Variants in TSHZ2 observed in about 807,000 individuals in gnomAD.
The protein encoded by TSHZ2 is teashirt zinc finger homeobox 2, also known as teashirt homolog 2.
Under a neutral mutation model 74.4 loss-of-function variants are expected in TSHZ2, and 21 were observed. The observed-to-expected ratio is 0.28, with a 90% confidence interval of 0.20 to 0.41. The LOEUF is 0.41. Among genes scored for constraint, TSHZ2 ranks in the 10% least tolerant of loss-of-function variants. The pLI, the probability that TSHZ2 is intolerant of heterozygous loss-of-function variation, is 1.00. For missense variants in TSHZ2, 1,244 were observed against 1,293.5 expected, an observed-to-expected ratio of 0.96 and a Z score of 0.59; for synonymous variants, 540 against 515.3, an observed-to-expected ratio of 1.05 and a Z score of -0.65.
Position 53,340,173 on chromosome 20 carries a change from C to CTTTTTTTTTTTTTTTTT in TSHZ2, c.*8+83605_*8+83606insTTTTTTTTTTTTTTTTT, listed in dbSNP as rs1285149762. On this transcript the variant is annotated intron_variant, in intron 2 of 2. Transcript: ENST00000371497. The stretch of plus-strand genomic sequence containing the variant: ...GCTAGGATAAAACAAGGTGACTTTT[C>CTTTTTTTTTTTTTTTTT]TTTCTTTTTTCTTTTTTTTTTTTTT... Among the ~76,000 whole-genome samples, 69 of 62,094 alleles carry CTTTTTTTTTTTTTTTTT rather than the reference C, an allele frequency of 1.1e-3. 4 individuals are homozygous for CTTTTTTTTTTTTTTTTT. Among genetic ancestry groups the CTTTTTTTTTTTTTTTTT allele is most frequent in the African/African-American group, 5.2e-3 (65 of 12,588 alleles). The allele number at this position is 62,094 out of a possible 152,430, so 40.7% of individuals were successfully genotyped here. A position where few individuals can be genotyped will look rare whatever the true frequency, so the allele number is the denominator to read the frequency against.
At chr20:53,067,325 T>A (rs1003589618) in intron 1 of TSHZ2, among the ~76,000 whole-genome samples, 1 of 152,216 alleles carries the variant, frequency 6.6e-6, no homozygotes, top group Non-Finnish European at 1.5e-5. Context: ...TTTTTTGTTA[T>A]GTAAAAAGCA....
chr20:53,044,440 G>A (rs1374791149), intron 1 of TSHZ2, among the ~76,000 whole-genome samples: 1 of 152,188 alleles, frequency 6.6e-6, no homozygotes, highest in Non-Finnish European at 1.5e-5. Context: ...AGTTTCTAAT[G>A]AGGAGGAAAA....
intron 2 of TSHZ2, among the ~76,000 whole-genome samples, chr20:53,306,281 C>A (rs1232759385): frequency 6.6e-6 from 1 of 152,208 alleles, no homozygotes; most frequent in African/African-American, 2.4e-5. Context: ...CCACCCCTCC[C>A]TCTTGGCAGG....
At chr20:53,290,540 G>T (rs1051956508) in intron 2 of TSHZ2, among the ~76,000 whole-genome samples, 1 of 152,052 alleles carries the variant, frequency 6.6e-6, no homozygotes, top group Non-Finnish European at 1.5e-5. Flanking sequence ...GGGAATAAAA[G>T]TATCATTCTA....
chr20:53,275,361 A>G (rs1348931885), intron 2 of TSHZ2, among the ~76,000 whole-genome samples: 1 of 152,078 alleles, frequency 6.6e-6, no homozygotes, highest in East Asian at 1.9e-4. Flanking sequence ...GTTGAATATT[A>G]TGAGCCATTT....
chr20:53,016,111 T>C (rs1467436298), intron 1 of TSHZ2, among the ~76,000 whole-genome samples: 3 of 152,164 alleles, frequency 2.0e-5, no homozygotes, highest in Non-Finnish European at 4.4e-5. Flanking sequence ...CCATGCAGGA[T>C]GACTGTGAAA....
intron 2 of TSHZ2, among the ~76,000 whole-genome samples, chr20:53,472,961 C>T (rs924192164): frequency 2.6e-5 from 4 of 152,062 alleles, no homozygotes; most frequent in African/African-American, 4.8e-5. Flanking sequence ...GCTTAAAAAA[C>T]GGCGCACCAC....
At chr20:53,136,996 T>C (rs1314033435) in intron 1 of TSHZ2, among the ~76,000 whole-genome samples, 1 of 152,168 alleles carries the variant, frequency 6.6e-6, no homozygotes, top group African/African-American at 2.4e-5. Flanking sequence ...TGGACTGATA[T>C]CGTCTAGATG....
chr20:53,485,995 A>C (rs924733066), intron 2 of TSHZ2, among the ~76,000 whole-genome samples: 9 of 152,224 alleles, frequency 5.9e-5, no homozygotes, highest in African/African-American at 2.2e-4. Context: ...AGAATTTTTC[A>C]TCTTACAAAA....
rs754149055 is a variant in TSHZ2 at position 53,436,524 on chromosome 20, TTTATTATTATTA to T, written c.*9-50605_*9-50594del. 1.4e-3 allele frequency among the ~76,000 whole-genome samples: 174 copies of T among 122,972 alleles called. 1 individual carries two copies. The highest frequency in any genetic ancestry group is 1.7e-3 in the Non-Finnish European group (105 of 61,938). The allele number at this position is 122,972 out of a possible 152,430, so 80.7% of individuals were successfully genotyped here. A position where few individuals can be genotyped will look rare whatever the true frequency, so the allele number is the denominator to read the frequency against. On this transcript the variant is annotated intron_variant, in intron 2 of 2. Transcript: ENST00000371497. ...CTGGCCCCAGGGCTTATTTTATTTA[TTTATTATTATTA>T]TTATTATTATTATTTTTTTTTTTTT...
At chr20:53,112,029 A>G (rs928329571) in intron 1 of TSHZ2, among the ~76,000 whole-genome samples, 3 of 152,194 alleles carry the variant, frequency 2.0e-5, no homozygotes, top group African/African-American at 7.2e-5. Context: ...TCCCGGCCTC[A>G]TCAAGAACTG....
intron 1 of TSHZ2, among the ~76,000 whole-genome samples, chr20:53,138,041 T>G (rs1008117722): frequency 6.6e-6 from 1 of 152,178 alleles, no homozygotes; most frequent in Admixed American, 6.5e-5. Context: ...TGGAAAACAC[T>G]GGCAGAGGCA....
intron 1 of TSHZ2, among the ~76,000 whole-genome samples, chr20:53,239,726 T>A (rs1990022006): frequency 6.6e-6 from 1 of 152,074 alleles, no homozygotes; most frequent in African/African-American, 2.4e-5. Context: ...TAGCAAAAAA[T>A]TACCTCATAT....
intron 1 of TSHZ2, among the ~76,000 whole-genome samples, chr20:53,088,319 C>T (rs1386643337): frequency 1.3e-5 from 2 of 152,152 alleles, no homozygotes. Flanking sequence ...TTATAGTCTA[C>T]TGGAGTTAGA....
intron 2 of TSHZ2, among the ~76,000 whole-genome samples, chr20:53,481,546 C>T (rs1986150369): frequency 4.0e-5 from 6 of 151,328 alleles, no homozygotes; most frequent in Non-Finnish European, 8.8e-5. Flanking sequence ...TGTACTCAAG[C>T]CACTCTGGGT....
At chr20:53,362,744 G>C (rs1388636437) in intron 2 of TSHZ2, among the ~76,000 whole-genome samples, 1 of 152,142 alleles carries the variant, frequency 6.6e-6, no homozygotes, top group Non-Finnish European at 1.5e-5. Context: ...ATGTCATGCC[G>C]AAGTATTTAA....
intron 2 of TSHZ2, among the ~76,000 whole-genome samples, chr20:53,318,607 G>A (rs941629186): frequency 5.3e-5 from 8 of 152,170 alleles, no homozygotes; most frequent in Admixed American, 2.0e-4. Context: ...AGTTGGCATC[G>A]TGGGCAGGAA....
At chr20:53,090,844 A>G (rs550548727) in intron 1 of TSHZ2, among the ~76,000 whole-genome samples, 1 of 152,266 alleles carries the variant, frequency 6.6e-6, no homozygotes, top group South Asian at 2.1e-4. Flanking sequence ...TCTTTCTTCA[A>G]TTTTACTCCC....
chr20:53,494,025 C>CTGTAT lies in TSHZ2; in HGVS notation c.*6894_*6895insTTGTA, dbSNP rs1258184856. On this transcript the variant is annotated 3_prime_UTR_variant, in exon 3 of 3. Transcript: ENST00000371497. The stretch of plus-strand genomic sequence containing the variant: ...GGGGGCCAGGTGCAGTGGCTCAAGC[C>CTGTAT]TGTAACCCCTGCACTTTGGAAGGCT... 1 of 152,312 alleles carries CTGTAT rather than the reference C, an allele frequency of 6.6e-6. No homozygotes were observed. The highest frequency in any genetic ancestry group is 2.4e-5 in the African/African-American group (1 of 41,464). The allele number at this position is 152,312 out of a possible 1,614,324, so 9.4% of individuals were successfully genotyped here. A position where few individuals can be genotyped will look rare whatever the true frequency, so the allele number is the denominator to read the frequency against.
Sources: allele counts gnomAD v4.1 joint callset (sites outside exome capture counted in the v4.1 genomes callset), GRCh38; gene constraint gnomAD v4.1.1; transcripts MANE v1.5; gene names NCBI Gene and HGNC (gene_info 2026-07-23, HGNC 2026-07-21).